Variants in SAXO1 observed in about 807,000 individuals in gnomAD.
SAXO1 encodes 4930500O09Rik.
A neutral mutation model predicts 17.5 loss-of-function variants in SAXO1; 21 were observed. That is an observed-to-expected ratio of 1.20 (90% CI 0.85 to 1.72). SAXO1 has a LOEUF of 1.72. SAXO1 is among the 40% of genes most tolerant of loss of function. SAXO1 has a pLI of 0.00. For missense variants in SAXO1, 843 were observed against 596.0 expected (o/e 1.41, Z -4.32); for synonymous variants, 274 against 216.5 (o/e 1.27, Z -2.33).
intron 1 of SAXO1, among the ~76,000 whole-genome samples, chr9:18,997,412 G>C (rs1834052600): frequency 6.6e-6 from 1 of 152,232 alleles, no homozygotes; most frequent in African/African-American, 2.4e-5. Context: ...CCATTGCTGA[G>C]GCTTGAGTAG....
At chr9:19,016,627 A>G (rs1433310285) in intron 1 of SAXO1, among the ~76,000 whole-genome samples, 1 of 152,028 alleles carries the variant, frequency 6.6e-6, no homozygotes, top group African/African-American at 2.4e-5. Context: ...GGATACTGCT[A>G]AACACCCTAC....
At chr9:18,969,870 G>T (rs962994851) in intron 1 of SAXO1, among the ~76,000 whole-genome samples, 1 of 152,244 alleles carries the variant, frequency 6.6e-6, no homozygotes, top group Admixed American at 6.5e-5. Flanking sequence ...GGCCAATGGG[G>T]TTAAGAACCT....
chr9:19,003,072 A>T (rs1834343787), intron 1 of SAXO1, among the ~76,000 whole-genome samples: 2 of 152,200 alleles, frequency 1.3e-5, no homozygotes, highest in African/African-American at 4.8e-5. Context: ...AATGTGCAAA[A>T]ATCACAAGCA....
intron 3 of SAXO1, 60 bp from the exon 4 acceptor site, chr9:18,929,115 T>C (rs549722779): frequency 1.6e-4 from 246 of 1,568,722 alleles, no homozygotes; most frequent in Non-Finnish European, 2.0e-4. Flanking sequence ...TTGCATATAT[T>C]CTACAGAGCC....
intron 1 of SAXO1, among the ~76,000 whole-genome samples, chr9:18,974,075 G>A (rs994686582): frequency 6.6e-6 from 1 of 152,160 alleles, no homozygotes; most frequent in Non-Finnish European, 1.5e-5. Flanking sequence ...GTGCCCTTAT[G>A]GCCAAGGAAG....
intron 1 of SAXO1, among the ~76,000 whole-genome samples, chr9:19,015,860 T>C (rs892254194): frequency 6.6e-6 from 1 of 152,140 alleles, no homozygotes; most frequent in Non-Finnish European, 1.5e-5. Flanking sequence ...TTTTAAAGTG[T>C]AGTCCATCAC....
chr9:18,993,979 A>T (rs898273044), intron 1 of SAXO1, among the ~76,000 whole-genome samples: 9 of 152,264 alleles, frequency 5.9e-5, no homozygotes, highest in Non-Finnish European at 1.3e-4. Flanking sequence ...AGGCGAACCT[A>T]CAAAATGAGT....
chr9:19,004,633 A>G (rs1241780615), intron 1 of SAXO1, among the ~76,000 whole-genome samples: 2 of 152,244 alleles, frequency 1.3e-5, no homozygotes, highest in Middle Eastern at 6.8e-3. Context: ...ACCAAACACC[A>G]CAACTTCTCA....
chr9:19,035,927 A>G (rs1300732810), upstream of SAXO1, among the ~76,000 whole-genome samples: 1 of 152,222 alleles, frequency 6.6e-6, no homozygotes, highest in Non-Finnish European at 1.5e-5. Context: ...TAAGGGAAGC[A>G]GAGCACAAAA....
chr9:19,010,564 A>G lies in SAXO1; in HGVS notation c.38+22307T>C, dbSNP rs1834688070. On this transcript the variant is annotated intron_variant, in intron 1 of 3. Transcript: ENST00000380534. ...AGATCCTGACCACCCGAAACAGTGA[A>G]GTTGTCCCAAAGCCCTTTCTTGTTA... 2.0e-5 allele frequency among the ~76,000 whole-genome samples: 3 copies of G among 152,060 alleles called. No homozygotes were observed. The South Asian group carries it at 6.2e-4, about 32-fold the overall frequency.
chr9:18,934,880 C>T (rs1353199890), intron 3 of SAXO1, among the ~76,000 whole-genome samples: 1 of 152,090 alleles, frequency 6.6e-6, no homozygotes, highest in African/African-American at 2.4e-5. Flanking sequence ...TGTATGGCTA[C>T]CGATATTTTT....
chr9:19,002,214 C>A (rs200101006), intron 1 of SAXO1, among the ~76,000 whole-genome samples: 4 of 152,242 alleles, frequency 2.6e-5, no homozygotes, highest in East Asian at 3.9e-4. Flanking sequence ...TGAATCTCTG[C>A]ATAGACCAAT....
At chr9:18,977,183 C>A (rs1345898439) in intron 1 of SAXO1, among the ~76,000 whole-genome samples, 2 of 152,210 alleles carry the variant, frequency 1.3e-5, no homozygotes, top group African/African-American at 4.8e-5. Context: ...GTAACAGAAA[C>A]TCCCACCATG....
intron 3 of SAXO1, among the ~76,000 whole-genome samples, chr9:18,929,497 C>G (rs960578618): frequency 1.3e-5 from 2 of 152,200 alleles, no homozygotes; most frequent in African/African-American, 2.4e-5. Context: ...GGCCACCAGC[C>G]AGATGAACCA....
intron 1 of SAXO1, among the ~76,000 whole-genome samples, chr9:19,016,754 A>G (rs941119315): frequency 7.3e-6 from 1 of 136,612 alleles, no homozygotes; most frequent in African/African-American, 2.8e-5. Context: ...AACAAAAGTT[A>G]TTATTTTTCG....
upstream of SAXO1, among the ~76,000 whole-genome samples, chr9:19,034,797 G>A (rs924463920): frequency 6.6e-5 from 10 of 152,204 alleles, no homozygotes; most frequent in Non-Finnish European, 1.2e-4. Context: ...CATTGACAGA[G>A]AACATCACAC....
At chr9:18,959,117 T>G (rs960265006) in intron 1 of SAXO1, among the ~76,000 whole-genome samples, 2 of 152,122 alleles carry the variant, frequency 1.3e-5, no homozygotes, top group Admixed American at 6.6e-5. Flanking sequence ...GGACAAGGAC[T>G]CAGTGCTGAA....
intron 3 of SAXO1, among the ~76,000 whole-genome samples, chr9:18,939,865 C>T (rs559733513): frequency 6.6e-6 from 1 of 152,278 alleles, no homozygotes; most frequent in African/African-American, 2.4e-5. Flanking sequence ...GAGTTTTATA[C>T]AAAGGAGTGG....
intron 1 of SAXO1, among the ~76,000 whole-genome samples, chr9:19,017,430 G>C (rs1183640322): frequency 6.6e-6 from 1 of 152,212 alleles, no homozygotes; most frequent in African/African-American, 2.4e-5. Flanking sequence ...TGACAGTGAA[G>C]AATTCATTCT....
Sources: allele counts gnomAD v4.1 joint callset (sites outside exome capture counted in the v4.1 genomes callset), GRCh38; gene constraint gnomAD v4.1.1; transcripts MANE v1.5; gene names NCBI Gene and HGNC (gene_info 2026-07-23, HGNC 2026-07-21).